FER: variants seen among roughly 807,000 people sequenced by gnomAD.
FER encodes tyrosine-protein kinase Fer.
FER carries 63 observed loss-of-function variants against 111.0 expected under a neutral mutation model. That is an observed-to-expected ratio of 0.57 (90% CI 0.46 to 0.70). The LOEUF is 0.70. Among genes scored for constraint, FER ranks in the 30% least tolerant of loss-of-function variants. FER has a pLI of 0.00. For synonymous variants in FER, 327 were observed against 313.9 expected (o/e 1.04, Z -0.44); for missense variants, 914 against 954.0 (o/e 0.96, Z 0.55).
At chr5:108,893,600 A>G (rs940298123) in intron 9 of FER, among the ~76,000 whole-genome samples, 1 of 152,136 alleles carries the variant, frequency 6.6e-6, no homozygotes, top group Non-Finnish European at 1.5e-5. Flanking sequence ...AACAACAACA[A>G]TAAGAACAAA....
chr5:109,064,328 T>C (rs1018135514), intron 16 of FER, among the ~76,000 whole-genome samples: 5 of 152,182 alleles, frequency 3.3e-5, no homozygotes, highest in African/African-American at 7.2e-5. Context: ...CTGTTTTTTT[T>C]AGTAGGCATC....
At chr5:109,029,751 A>G (rs1769333076) in intron 13 of FER, among the ~76,000 whole-genome samples, 1 of 152,254 alleles carries the variant, frequency 6.6e-6, no homozygotes, top group South Asian at 2.1e-4. Context: ...GCTGCTTTCA[A>G]GACTCCTTGT....
intron 11 of FER, among the ~76,000 whole-genome samples, chr5:108,947,124 T>C (rs568537977): frequency 5.3e-5 from 8 of 152,178 alleles, no homozygotes; most frequent in African/African-American, 1.9e-4. Context: ...TTTCAGCTTG[T>C]TGGCTATTAT....
chr5:109,110,213 G>A (rs1162791825), intron 17 of FER, among the ~76,000 whole-genome samples: 2 of 151,884 alleles, frequency 1.3e-5, no homozygotes, highest in African/African-American at 4.8e-5. Context: ...TAGTAATTGG[G>A]GAAAGTGGAT....
intron 13 of FER, among the ~76,000 whole-genome samples, chr5:109,002,356 AAAAC>A (rs1178077158): frequency 6.6e-6 from 1 of 151,578 alleles, no homozygotes; most frequent in African/African-American, 2.4e-5. Context: ...AAACCTGAGA[AAAAC>A]AAGCAATGGG....
At chr5:108,944,071 T>G (rs918754790) in intron 10 of FER, among the ~76,000 whole-genome samples, 1 of 151,212 alleles carries the variant, frequency 6.6e-6, no homozygotes, top group African/African-American at 2.4e-5. Flanking sequence ...AAACTTGTAA[T>G]TATTATGAAC....
intron 13 of FER, among the ~76,000 whole-genome samples, chr5:109,014,023 T>G (rs1478863988): frequency 1.7e-4 from 26 of 151,184 alleles, no homozygotes; most frequent in African/African-American, 5.6e-4. Context: ...TTTCTCCCAT[T>G]TTGTAGGTTG....
chr5:109,177,259 A>C (rs1001063336), intron 17 of FER, among the ~76,000 whole-genome samples: 1 of 152,102 alleles, frequency 6.6e-6, no homozygotes, highest in African/African-American at 2.4e-5. Context: ...AGCAAATGAA[A>C]TATGCTTCAT....
At chr5:109,040,338 T>A (rs1770983674) in intron 14 of FER, among the ~76,000 whole-genome samples, 1 of 151,992 alleles carries the variant, frequency 6.6e-6, no homozygotes, top group Non-Finnish European at 1.5e-5. Flanking sequence ...CCTTGCCCAC[T>A]CGAACATTAA....
chr5:109,091,373 C>T (rs200926261), intron 16 of FER, among the ~76,000 whole-genome samples: 1 of 152,176 alleles, frequency 6.6e-6, no homozygotes, highest in East Asian at 1.9e-4. Flanking sequence ...CTGGAAAGTA[C>T]AAGCCATAAA....
At chr5:109,015,997 T>G (rs116511415) in intron 13 of FER, among the ~76,000 whole-genome samples, 1 of 152,080 alleles carries the variant, frequency 6.6e-6, no homozygotes, top group African/African-American at 2.4e-5. Flanking sequence ...TTTGCTCCTC[T>G]TGGAGGACTG....
At chr5:109,136,050 G>C (rs957825130) in intron 17 of FER, among the ~76,000 whole-genome samples, 7 of 152,018 alleles carry the variant, frequency 4.6e-5, no homozygotes, top group African/African-American at 1.7e-4. Flanking sequence ...GAGGTCTGGA[G>C]TTTGAGACCA....
At position 109,041,990 on chromosome 5, in the gene FER, C is replaced by T. The variant is rs755078756; in HGVS notation, c.1714-2690C>T. ...CCATTTGGGTCTTCTCAAGTGAGAGCCAGGATTTTGTTAGAACAGGAAGTT... is the reference window on the plus strand; with the variant it reads ...CCATTTGGGTCTTCTCAAGTGAGAGTCAGGATTTTGTTAGAACAGGAAGTT... On this transcript the variant is annotated intron_variant, in intron 14 of 19. Transcript: ENST00000281092. 4.7e-4 allele frequency among the ~76,000 whole-genome samples: 71 copies of T among 152,036 alleles called. 1 individual carries two copies. Among genetic ancestry groups the T allele is most frequent in the Middle Eastern group, 3.4e-3 (1 of 294 alleles).
chr5:108,909,582 A>G (rs1751267822), intron 10 of FER, among the ~76,000 whole-genome samples: 1 of 152,114 alleles, frequency 6.6e-6, no homozygotes, highest in Non-Finnish European at 1.5e-5. Flanking sequence ...TTGTCAGAGG[A>G]CTGTAAGAAG....
At chr5:109,104,088 T>C (rs923884664) in intron 17 of FER, among the ~76,000 whole-genome samples, 2 of 152,198 alleles carry the variant, frequency 1.3e-5, no homozygotes, top group Non-Finnish European at 2.9e-5. Context: ...AGGGGTTAGG[T>C]AGAATATGAT....
rs189838363 is a variant in FER at position 108,910,347 on chromosome 5, A to G, written c.1236+12499A>G. On this transcript the variant is annotated intron_variant, in intron 10 of 19. Transcript: ENST00000281092. The stretch of plus-strand genomic sequence containing the variant: ...AAATTTCACATCAGCCAGTCTGGTT[A>G]TAGTGGTCTCAACAAGAATGGGTAC... Among the ~76,000 whole-genome samples, 884 of 152,314 alleles carry G rather than the reference A, an allele frequency of 5.8e-3. 6 individuals are homozygous for G. Among genetic ancestry groups the G allele is most frequent in the African/African-American group, 0.02 (821 of 41,582 alleles).
chr5:109,099,715 G>A (rs1236619061), intron 16 of FER, among the ~76,000 whole-genome samples: 1 of 151,430 alleles, frequency 6.6e-6, no homozygotes, highest in African/African-American at 2.4e-5. Flanking sequence ...TTTTAAAAAT[G>A]TGGCTACTAG....
chr5:108,767,465 C>T (rs1752447242), intron 1 of FER, among the ~76,000 whole-genome samples: 1 of 152,210 alleles, frequency 6.6e-6, no homozygotes, highest in Non-Finnish European at 1.5e-5. Flanking sequence ...AGCATAATCA[C>T]TGGCTTCTTC....
At chr5:109,154,246 A>C (rs1456523836) in intron 17 of FER, among the ~76,000 whole-genome samples, 2 of 151,936 alleles carry the variant, frequency 1.3e-5, no homozygotes, top group Non-Finnish European at 2.9e-5. Flanking sequence ...CTTTACCAGA[A>C]GTATGAAAAC....
Sources: gnomAD v4.1 joint callset for allele counts (sites outside exome capture counted in the v4.1 genomes callset) on GRCh38, gnomAD v4.1.1 for gene constraint, MANE v1.5 for transcripts, NCBI Gene and HGNC (gene_info 2026-07-23, HGNC 2026-07-21) for gene names.